SMYD3: variants seen among roughly 807,000 people sequenced by gnomAD.
SMYD3 encodes histone-lysine N-methyltransferase SMYD3.
In SMYD3, 36 loss-of-function variants were observed where a neutral mutation model predicts 57.7. That is an observed-to-expected ratio of 0.62 (90% CI 0.48 to 0.82). The LOEUF is 0.82. Ranked by LOEUF, SMYD3 falls within the 40% of genes least tolerant of loss-of-function variation. The probability of loss-of-function intolerance (pLI) is 0.00; values close to 1 mark genes in which losing one functional copy is unlikely to be tolerated. For missense variants in SMYD3, 515 were observed against 538.8 expected (o/e 0.96, Z 0.44); for synonymous variants, 211 against 195.0 (o/e 1.08, Z -0.68).
intron 10 of SMYD3, among the ~76,000 whole-genome samples, chr1:245,835,899 T>C (rs2050084477): frequency 6.6e-6 from 1 of 152,192 alleles, no homozygotes; most frequent in African/African-American, 2.4e-5. Flanking sequence ...CGTGACTTGT[T>C]AGCGTTAACA....
chr1:246,360,137 C>T (rs1342665852), intron 1 of SMYD3, among the ~76,000 whole-genome samples: 1 of 152,138 alleles, frequency 6.6e-6, no homozygotes, highest in African/African-American at 2.4e-5. Flanking sequence ...AATTGATGTA[C>T]ACAAATCAGT....
At chr1:245,808,661 C>T (rs755005061) in intron 10 of SMYD3, among the ~76,000 whole-genome samples, 1 of 152,166 alleles carries the variant, frequency 6.6e-6, no homozygotes, top group African/African-American at 2.4e-5. Flanking sequence ...GTGTAGTTGT[C>T]TCCATTGAGG....
chr1:245,876,039 A>G (rs1234709089), intron 8 of SMYD3, among the ~76,000 whole-genome samples: 2 of 152,196 alleles, frequency 1.3e-5, no homozygotes, highest in African/African-American at 4.8e-5. Context: ...TAAAATATGT[A>G]TCAGAGGCTT....
intron 5 of SMYD3, among the ~76,000 whole-genome samples, chr1:245,945,977 A>G (rs987055345): frequency 6.6e-6 from 1 of 152,146 alleles, no homozygotes; most frequent in Non-Finnish European, 1.5e-5. Flanking sequence ...TGAGGGGCGG[A>G]AGAACATCAG....
intron 5 of SMYD3, among the ~76,000 whole-genome samples, chr1:245,992,444 A>C (rs2058828092): frequency 6.6e-6 from 1 of 152,272 alleles, no homozygotes; most frequent in South Asian, 2.1e-4. Context: ...TTCTTCCAAA[A>C]CATTTCAACA....
chr1:246,380,147 T>C (rs2066364399), intron 1 of SMYD3, among the ~76,000 whole-genome samples: 1 of 152,232 alleles, frequency 6.6e-6, no homozygotes, highest in Admixed American at 6.5e-5. Flanking sequence ...TAAATACTTT[T>C]ATTTTTCTAC....
At chr1:246,457,138 C>T (rs2067710229) in intron 1 of SMYD3, among the ~76,000 whole-genome samples, 1 of 152,046 alleles carries the variant, frequency 6.6e-6, no homozygotes, top group Non-Finnish European at 1.5e-5. Flanking sequence ...TCATCTCTGG[C>T]CACTTCAGGC....
chr1:246,396,433 G>A (rs2066674436), intron 1 of SMYD3, among the ~76,000 whole-genome samples: 1 of 152,074 alleles, frequency 6.6e-6, no homozygotes, highest in Non-Finnish European at 1.5e-5. Flanking sequence ...CATCCTATCT[G>A]GACCATCAGA....
At chr1:245,895,765 C>T (rs1199352675) in intron 8 of SMYD3, among the ~76,000 whole-genome samples, 3 of 152,258 alleles carry the variant, frequency 2.0e-5, no homozygotes, top group Non-Finnish European at 4.4e-5. Flanking sequence ...AGGCAGTTCC[C>T]ACACAGCACC....
chr1:245,832,768 A>G (rs2049907021), intron 10 of SMYD3, among the ~76,000 whole-genome samples: 2 of 152,186 alleles, frequency 1.3e-5, no homozygotes, highest in Admixed American at 1.3e-4. Flanking sequence ...AATAAACAAC[A>G]TAATGTTGAA....
At chr1:245,750,204 A>C (rs146456228) in intron 11 of SMYD3, among the ~76,000 whole-genome samples, 2 of 152,264 alleles carry the variant, frequency 1.3e-5, no homozygotes, top group East Asian at 3.9e-4. Flanking sequence ...ATATTTCTGA[A>C]ATCTGTGTGG....
intron 1 of SMYD3, among the ~76,000 whole-genome samples, chr1:246,446,713 C>T (rs1237163606): frequency 6.6e-6 from 1 of 152,176 alleles, no homozygotes; most frequent in East Asian, 1.9e-4. Flanking sequence ...TTGTCTATTA[C>T]TGCAGGAACA....
intron 1 of SMYD3, among the ~76,000 whole-genome samples, chr1:246,496,377 G>A (rs2068364194): frequency 6.6e-6 from 1 of 151,996 alleles, no homozygotes; most frequent in African/African-American, 2.4e-5. Context: ...ATTAACATAA[G>A]GATGTTTTTA....
At chr1:246,436,311 A>G (rs1304548972) in intron 1 of SMYD3, among the ~76,000 whole-genome samples, 1 of 152,220 alleles carries the variant, frequency 6.6e-6, no homozygotes, top group Non-Finnish European at 1.5e-5. Context: ...TAAAAGTTAC[A>G]AATTTCAATC....
chr1:246,419,056 C>A (rs956850359), intron 1 of SMYD3, among the ~76,000 whole-genome samples: 3 of 152,050 alleles, frequency 2.0e-5, no homozygotes, highest in Non-Finnish European at 2.9e-5. Context: ...TTGTGATATT[C>A]CTCCGCCCTT....
intron 5 of SMYD3, among the ~76,000 whole-genome samples, chr1:246,046,471 G>T (rs1358053499): frequency 6.6e-6 from 1 of 151,938 alleles, no homozygotes; most frequent in Admixed American, 6.5e-5. Flanking sequence ...ACCGGGGCCT[G>T]TCATGGGGCG....
intron 5 of SMYD3, among the ~76,000 whole-genome samples, chr1:245,933,908 T>C (rs1030615234): frequency 5.9e-5 from 9 of 152,292 alleles, no homozygotes; most frequent in Admixed American, 1.3e-4. Context: ...AGCTGAGTAA[T>C]TCTACACCAT....
intron 7 of SMYD3, among the ~76,000 whole-genome samples, chr1:245,924,245 T>G (rs565210131): frequency 2.0e-5 from 3 of 152,116 alleles, no homozygotes; most frequent in African/African-American, 7.2e-5. Context: ...AGCAATCCAG[T>G]CAAGTGAGCC....
At chr1:246,208,061 A>C (rs2063027873) in intron 5 of SMYD3, among the ~76,000 whole-genome samples, 1 of 152,134 alleles carries the variant, frequency 6.6e-6, no homozygotes, top group African/African-American at 2.4e-5. Context: ...TCATATCTGA[A>C]GAGAGAGCTG....
Sources: gnomAD v4.1 joint callset for allele counts (sites outside exome capture counted in the v4.1 genomes callset) on GRCh38, gnomAD v4.1.1 for gene constraint, MANE v1.5 for transcripts, NCBI Gene and HGNC (gene_info 2026-07-23, HGNC 2026-07-21) for gene names.